SLC2A9: variants seen among roughly 807,000 people sequenced by gnomAD.
The protein encoded by SLC2A9 is solute carrier family 2 member 9, also known as solute carrier family 2, facilitated glucose transporter member 9.
A neutral mutation model predicts 50.6 loss-of-function variants in SLC2A9; 39 were observed. That is an observed-to-expected ratio of 0.77 (90% CI 0.60 to 1.01). The LOEUF (loss-of-function observed/expected upper bound fraction) is 1.01. SLC2A9 is among the 50% of genes least tolerant of loss of function. The probability of loss-of-function intolerance (pLI) is 0.00; values close to 1 mark genes in which losing one functional copy is unlikely to be tolerated. For synonymous variants in SLC2A9, 324 were observed against 276.9 expected (o/e 1.17, Z -1.69); for missense variants, 686 against 677.6 (o/e 1.01, Z -0.14).
Position 9,834,910 on chromosome 4 carries a change from C to A in SLC2A9, c.1390G>T (p.Ala464Ser), listed in dbSNP as rs1476209699. ...ATGAATGGGAAGAGGAGCCCAACAG[C>A]AAAGTTGGAGAGCCAGTTGACGGTG... Reference protein sequence around the residue: ...AGTVNWLSNFAVGLLFPFIQK... With the variant: ...AGTVNWLSNFSVGLLFPFIQK... Residue 464 changes from alanine (A) to serine (S), a missense_variant, in exon 11 of 12, where the codon GCT becomes TCT. Ala to Ser is a moderately conservative substitution (Grantham distance 99). Transcript: ENST00000264784. The A allele has an allele frequency of 6.2e-7, 1 of 1,614,024 alleles. No individual in the cohort carries two copies.
chr4:9,777,519 CA>C (rs1298489706), downstream of SLC2A9, among the ~76,000 whole-genome samples: 1 of 147,882 alleles, frequency 6.8e-6, no homozygotes, highest in African/African-American at 2.5e-5. Context: ...TGGTGAAAGT[CA>C]GGGGGACTGG....
upstream of SLC2A9, chr4:10,021,540 A>C: frequency 6.5e-7 from 1 of 1,535,058 alleles, no homozygotes; most frequent in South Asian, 1.2e-5. Context: ...AGTTCCTGAC[A>C]GGAAGTGTGG....
chr4:9,960,120 A>T (rs1305981291), intron 5 of SLC2A9, among the ~76,000 whole-genome samples: 1 of 152,222 alleles, frequency 6.6e-6, no homozygotes, highest in African/African-American at 2.4e-5. Flanking sequence ...GAGGAGCCTT[A>T]TTGTTCCAAA....
rs561078959 is a variant in SLC2A9 at position 9,803,245 on chromosome 4, T to G, written n.421-4004A>C. ...TAAATGTGAGTTCAAGGGAAATTCT[T>G]AAACAGCCTGAACACAATATGAGCT... On this transcript the variant is annotated intron_variant and non_coding_transcript_variant, in intron 3 of 3. Coordinates refer to the SLC2A9 transcript ENST00000503280. Among the ~76,000 whole-genome samples, 4 of 152,346 alleles carry G rather than the reference T, an allele frequency of 2.6e-5. No homozygotes were observed. In the South Asian group the frequency reaches 8.3e-4, roughly 32 times the overall value.
chr4:9,825,097 TG>T (rs1724918902), downstream of SLC2A9, among the ~76,000 whole-genome samples: 1 of 152,230 alleles, frequency 6.6e-6, no homozygotes, highest in African/African-American at 2.4e-5. Flanking sequence ...AAGTCCTCTC[TG>T]GCCCCACTCC....
chr4:9,907,317 A>T (rs1239361814), intron 8 of SLC2A9, among the ~76,000 whole-genome samples: 1 of 152,250 alleles, frequency 6.6e-6, no homozygotes, highest in Non-Finnish European at 1.5e-5. Context: ...AGTGCTACAC[A>T]GCCAAGAAGT....
chr4:9,895,232 C>T (rs976873281), intron 8 of SLC2A9, among the ~76,000 whole-genome samples: 6 of 152,150 alleles, frequency 3.9e-5, no homozygotes, highest in Non-Finnish European at 5.9e-5. Flanking sequence ...AAAGGCTGAA[C>T]ACATTCTCCC....
downstream of SLC2A9, among the ~76,000 whole-genome samples, chr4:9,823,641 T>G (rs1577398473): frequency 6.6e-6 from 1 of 152,260 alleles, no homozygotes; most frequent in East Asian, 1.9e-4. Context: ...TAATACAATA[T>G]TAAGGACACT....
At chr4:9,911,862 TG>T (rs2110014822) in intron 7 of SLC2A9, among the ~76,000 whole-genome samples, 1 of 152,314 alleles carries the variant, frequency 6.6e-6, no homozygotes, top group East Asian at 1.9e-4. Context: ...GATTGCTTCT[TG>T]GTTAAGAAGA....
chr4:9,871,541 T>C (rs959151276), intron 10 of SLC2A9, among the ~76,000 whole-genome samples: 3 of 152,190 alleles, frequency 2.0e-5, no homozygotes, highest in African/African-American at 4.8e-5. Context: ...CACCTTCATA[T>C]GCCCTTCTCT....
rs967424586 is a variant in SLC2A9 at position 10,031,283 on chromosome 4, TGTAATGATCAGA to T, written c.-40-5289_-40-5278del. On this transcript the variant is annotated intron_variant, in intron 1 of 12. Coordinates refer to the SLC2A9 transcript ENST00000309065. ...GAGGTCCAGCTTTAATAATCAGCAC[TGTAATGATCAGA>T]GTTTTCATTATTCAATTGTTTGCAT... is the stretch of plus-strand genomic sequence containing the variant. Among the ~76,000 whole-genome samples, 10 of 152,258 alleles carry T rather than the reference TGTAATGATCAGA, an allele frequency of 6.6e-5. 1 individual carries two copies. Among genetic ancestry groups the T allele is most frequent in the African/African-American group, 2.4e-4 (10 of 41,464 alleles).
rs1166186837 is a variant in SLC2A9, at chr4:9,980,574, C to A, written c.681+18G>T. Reference sequence around the variant, plus strand: ...ATGAGATGAGAGCAGATGCGGTTGACCAGGGAGCCACACTCACCTTTCCCA... The same window carrying A: ...ATGAGATGAGAGCAGATGCGGTTGAACAGGGAGCCACACTCACCTTTCCCA... On this transcript the variant is annotated intron_variant, in intron 5 of 11. Transcript: ENST00000264784. The A allele has an allele frequency of 1.2e-6, 2 of 1,613,848 alleles. No homozygotes were observed. Among genetic ancestry groups the A allele is most frequent in the African/African-American group, 1.3e-5 (1 of 74,918 alleles).
At chr4:9,945,354 T>A (rs997198081) in intron 5 of SLC2A9, among the ~76,000 whole-genome samples, 1 of 152,226 alleles carries the variant, frequency 6.6e-6, no homozygotes, top group Non-Finnish European at 1.5e-5. Context: ...TGAATGGATG[T>A]CGGGAGTGCT....
At chr4:9,783,346 GATCT>G (rs575474654) in intron 3 of SLC2A9, 1 of 1,614,242 alleles carries the variant, frequency 6.2e-7, no homozygotes, top group South Asian at 1.1e-5. Flanking sequence ...GCATGTTCCA[GATCT>G]ATCAGACGTC....
intron 9 of SLC2A9, 82 bp downstream of exon 9, chr4:9,890,528 C>T (rs146345207): frequency 1.5e-6 from 2 of 1,327,862 alleles, no homozygotes; most frequent in East Asian, 2.3e-5. Context: ...TATGAACCCA[C>T]AAATCAAAGG....
intron 8 of SLC2A9, among the ~76,000 whole-genome samples, chr4:9,901,139 C>T (rs1739539763): frequency 6.6e-6 from 1 of 152,216 alleles, no homozygotes; most frequent in African/African-American, 2.4e-5. Flanking sequence ...TCAGACTGAG[C>T]TCAGGCCCCC....
intron 6 of SLC2A9, chr4:9,923,024 T>G (rs1015153445): frequency 6.6e-6 from 1 of 152,248 alleles, no homozygotes; most frequent in Non-Finnish European, 1.5e-5. Flanking sequence ...TGTTGGGATT[T>G]GGGCTTGGAG....
At chr4:9,800,340 ATAT>A (rs1261836604) in intron 3 of SLC2A9, among the ~76,000 whole-genome samples, 2 of 152,206 alleles carry the variant, frequency 1.3e-5, no homozygotes, top group Non-Finnish European at 2.9e-5. Context: ...GTCCTTGCTG[ATAT>A]TATTAATTAA....
intron 10 of SLC2A9, among the ~76,000 whole-genome samples, chr4:9,862,426 C>T (rs922152366): frequency 1.3e-5 from 2 of 152,050 alleles, no homozygotes; most frequent in Non-Finnish European, 2.9e-5. Context: ...CTACTCATTC[C>T]CTGGGTGTCT....
Sources: gnomAD v4.1 joint callset for allele counts (sites outside exome capture counted in the v4.1 genomes callset) on GRCh38, gnomAD v4.1.1 for gene constraint, MANE v1.5 for transcripts, NCBI Gene and HGNC (gene_info 2026-07-23, HGNC 2026-07-21) for gene names.